Variants in DNAH9 observed in about 807,000 individuals in gnomAD.
DNAH9 encodes dynein axonemal heavy chain 9.
In DNAH9, 345 loss-of-function variants were observed where a neutral mutation model predicts 471.6. The ratio of observed to expected loss-of-function variants is 0.73; its 90% confidence interval spans 0.67 to 0.80. The LOEUF (loss-of-function observed/expected upper bound fraction) is 0.80, where lower values mean the gene tolerates loss of function less well. DNAH9 is among the 30% of genes least tolerant of loss of function. The probability of loss-of-function intolerance (pLI) is 0.00; values close to 1 mark genes in which losing one functional copy is unlikely to be tolerated. For synonymous variants in DNAH9, 2,093 were observed against 2,123.6 expected, an observed-to-expected ratio of 0.99 and a Z score of 0.40; for missense variants, 5,407 against 5,609.2, an observed-to-expected ratio of 0.96 and a Z score of 1.15.
chr17:11,929,650 T>C (rs746736000), intron 62 of DNAH9, among the ~76,000 whole-genome samples: 3 of 152,222 alleles, frequency 2.0e-5, no homozygotes, highest in African/African-American at 4.8e-5. Context: ...TTAAAAGTCA[T>C]TGAGTTGCAC....
At chr17:11,905,630 T>G in intron 60 of DNAH9, 31 bp from the exon 61 acceptor site, 1 of 1,610,378 alleles carries the variant, frequency 6.2e-7, no homozygotes, top group Admixed American at 1.7e-5. Context: ...GCTATATATG[T>G]ATAAATCTAT....
Position 11,610,399 on chromosome 17 carries a change from G to A in DNAH9, c.618G>A (p.Leu206=). ...GTTGTTGTTTTGTCTTTCACAGCTT[G>A]GATTCTATAGATAAGTCAGTCATCT... is the stretch of plus-strand genomic sequence containing the variant. ...EFADSKSETV[L]DSIDKSVIYA... The change falls in exon 3 of 69, where the codon TTG becomes TTA. Residue 206 remains leucine, a synonymous_variant. Coordinates refer to ENST00000262442, the MANE Select transcript of DNAH9 (RefSeq NM_001372.4). 2 of 1,611,444 alleles carry A rather than the reference G, an allele frequency of 1.2e-6. No homozygotes were observed. Among genetic ancestry groups the A allele is most frequent in the Non-Finnish European group, 1.7e-6 (2 of 1,178,942 alleles).
chr17:11,654,832 A>G (rs1042617216), intron 14 of DNAH9, among the ~76,000 whole-genome samples: 1 of 152,128 alleles, frequency 6.6e-6, no homozygotes, highest in Admixed American at 6.6e-5. Flanking sequence ...GACAGGCTAA[A>G]TTAATTGTCT....
chr17:11,770,041 T>C (rs1044449673), intron 38 of DNAH9, among the ~76,000 whole-genome samples: 3 of 152,220 alleles, frequency 2.0e-5, no homozygotes, highest in African/African-American at 7.2e-5. Flanking sequence ...CTGTTCTTAC[T>C]TCCCAAACAC....
At chr17:11,648,320 A>G (rs530524461) in intron 12 of DNAH9, among the ~76,000 whole-genome samples, 2 of 152,350 alleles carry the variant, frequency 1.3e-5, no homozygotes, top group South Asian at 4.1e-4. Context: ...TAGAGAATTC[A>G]TGTCTTCACT....
chr17:11,745,169 G>T, intron 31 of DNAH9, 85 bp downstream of exon 31: 1 of 1,217,390 alleles, frequency 8.2e-7, no homozygotes. Context: ...ATAATCCAAA[G>T]GGTTGTTTTA....
Position 11,680,860 on chromosome 17 carries a change from G to A in DNAH9, c.3714G>A (p.Trp1238Ter), listed in dbSNP as rs2074121766. The change falls in exon 19 of 69, where the codon TGG becomes TGA. Residue 1238 changes from tryptophan (W) to a stop codon, truncating the protein, a stop_gained. Transcript: ENST00000262442. LOFTEE classifies it high-confidence loss of function. Reference sequence around the variant, plus strand: ...TCGATGCAGAACAGCAGCAATTCTGGGAGCAATTCCACAAAGAAGCCCCGT... The same window carrying A: ...TCGATGCAGAACAGCAGCAATTCTGAGAGCAATTCCACAAAGAAGCCCCGT... ...TAFDAEQQQF[W>*]EQFHKEAPFR... The A allele has an allele frequency of 6.2e-7, 1 of 1,612,890 alleles. No individual in the cohort carries two copies. The highest frequency in any genetic ancestry group is 8.5e-7 in the Non-Finnish European group (1 of 1,179,532).
intron 66 of DNAH9, among the ~76,000 whole-genome samples, chr17:11,939,036 G>A (rs539018249): frequency 6.6e-6 from 1 of 152,256 alleles, no homozygotes; most frequent in South Asian, 2.1e-4. Context: ...TTTATATAAA[G>A]GTATGGAGTC....
chr17:11,910,724 C>T (rs528597842), intron 61 of DNAH9, among the ~76,000 whole-genome samples: 49 of 152,328 alleles, frequency 3.2e-4, no homozygotes, highest in Admixed American at 2.8e-3. Flanking sequence ...TATTATCCAT[C>T]TTCTGATTAG....
At chr17:11,718,332 TGATA>T in intron 26 of DNAH9, among the ~76,000 whole-genome samples, 1 of 152,376 alleles carries the variant, frequency 6.6e-6, no homozygotes, top group South Asian at 2.1e-4. Flanking sequence ...CATTCACTGT[TGATA>T]GATATTTGGG....
intron 56 of DNAH9, among the ~76,000 whole-genome samples, chr17:11,886,066 T>C (rs1451047373): frequency 6.6e-6 from 1 of 152,246 alleles, no homozygotes; most frequent in Admixed American, 6.5e-5. Flanking sequence ...CTCACGCCTA[T>C]AATCCCAGCA....
chr17:11,771,648 C>T (rs117710402), intron 38 of DNAH9, among the ~76,000 whole-genome samples: 2,940 of 152,270 alleles, frequency 0.019, 48 homozygotes, highest in Non-Finnish European at 0.027. Flanking sequence ...CTTAGCAGTT[C>T]GCTGTCTGCC....
intron 49 of DNAH9, among the ~76,000 whole-genome samples, chr17:11,841,778 C>T (rs1440324911): frequency 6.6e-6 from 1 of 152,080 alleles, no homozygotes; most frequent in Non-Finnish European, 1.5e-5. Flanking sequence ...ATTTAGGAAC[C>T]AAATGAGAGG....
At chr17:11,708,458 A>C (rs2074768741) in intron 26 of DNAH9, among the ~76,000 whole-genome samples, 1 of 152,046 alleles carries the variant, frequency 6.6e-6, no homozygotes, top group Non-Finnish European at 1.5e-5. Context: ...TGCAAATAGC[A>C]CCTCTGCAGA....
chr17:11,793,542 T>C lies in DNAH9; in HGVS notation c.8101T>C (p.Trp2701Arg), dbSNP rs1969134074. ...CTCAGTGGAATGTGTGAAATCCACA[T>C]GGGATCTTATAAGGCTCTATCTGCA... ...FSSVECVKST[W>R]DLIRLYLHES... Residue 2701 changes from tryptophan (W) to arginine (R), a missense_variant, in exon 42 of 69, where the codon TGG becomes CGG. Trp to Arg is a moderately radical substitution (Grantham distance 101, BLOSUM62 -3). This residue lies in a region of DNAH9 where 4,636 missense variants were observed against 4,900.3 expected (regional missense o/e 0.95). Coordinates refer to ENST00000262442, the MANE Select transcript of DNAH9 (RefSeq NM_001372.4). 2 of 1,613,854 alleles carry C rather than the reference T, an allele frequency of 1.2e-6. No homozygotes were observed. The highest frequency in any genetic ancestry group is 1.7e-6 in the Non-Finnish European group (2 of 1,179,910).
chr17:11,618,563 C>T (rs535604134), intron 5 of DNAH9, among the ~76,000 whole-genome samples: 22 of 138,070 alleles, frequency 1.6e-4, no homozygotes, highest in African/African-American at 5.7e-4. Context: ...TCCAGCTTGG[C>T]GACAGAGCGA....
At chr17:11,961,803 G>A (rs1165454671) in intron 67 of DNAH9, 64 bp from the exon 68 acceptor site, 12 of 1,529,458 alleles carry the variant, frequency 7.8e-6, no homozygotes, top group Non-Finnish European at 1.1e-5. Context: ...GGGTCTCTGA[G>A]GCCAGGTGTT....
chr17:11,752,721 A>G (rs566530390), intron 32 of DNAH9, 112 bp from the exon 33 acceptor site: 12 of 744,294 alleles, frequency 1.6e-5, no homozygotes, highest in African/African-American at 1.3e-4. Flanking sequence ...CTGCCTTTGC[A>G]TGTTCCATGT....
At chr17:11,686,407 C>T (rs2074242537) in intron 19 of DNAH9, among the ~76,000 whole-genome samples, 1 of 152,154 alleles carries the variant, frequency 6.6e-6, no homozygotes, top group Admixed American at 6.5e-5. Context: ...AGACTCAACC[C>T]ACCCTTTTCC....
Sources: gnomAD v4.1 joint callset for allele counts (sites outside exome capture counted in the v4.1 genomes callset) on GRCh38, gnomAD v4.1.1 for gene constraint, gnomAD v4.1.1 regional missense constraint, MANE v1.5 for transcripts, NCBI Gene and HGNC (gene_info 2026-07-23, HGNC 2026-07-21) for gene names.